Variants in BOD1L1 observed in about 807,000 individuals in gnomAD.
BOD1L1 encodes the protein biorientation of chromosomes in cell division protein 1-like 1.
BOD1L1 carries 86 observed loss-of-function variants against 240.7 expected under a neutral mutation model. The ratio of observed to expected loss-of-function variants is 0.36; its 90% confidence interval spans 0.30 to 0.43. The LOEUF (loss-of-function observed/expected upper bound fraction) is 0.43, where lower values mean the gene tolerates loss of function less well. Ranked by LOEUF, BOD1L1 falls within the 20% of genes least tolerant of loss-of-function variation. The pLI is 1.00. For missense variants in BOD1L1, 3,554 were observed against 3,643.5 expected, an observed-to-expected ratio of 0.98 and a Z score of 0.63; for synonymous variants, 1,268 against 1,272.3, an observed-to-expected ratio of 1.00 and a Z score of 0.07.
rs1715219339 is a variant in BOD1L1 at position 13,601,958 on chromosome 4, C to T, written c.4942G>A (p.Glu1648Lys). The change falls in exon 10 of 26, where the codon GAG becomes AAG. Residue 1648 changes from glutamate to lysine, a missense_variant. Glu to Lys is a moderately conservative substitution (Grantham distance 56). This residue lies in a region of BOD1L1 where 3,393 missense variants were observed against 3,427.1 expected (regional missense o/e 0.99). Transcript: ENST00000040738. The stretch of plus-strand genomic sequence containing the variant: ...CTGGTTACAGCATCATCCTTTTCCT[C>T]TGTCACAACGCTATTTACATTGGCT... ...IEANVNSVVT[E>K]EKDDAVTSAG... is the part of the protein sequence containing the mutation. The T allele has an allele frequency of 6.2e-7, 1 of 1,613,916 alleles. No homozygotes were observed. Among genetic ancestry groups the T allele is most frequent in the African/African-American group, 1.3e-5 (1 of 74,948 alleles).
At position 13,600,834 on chromosome 4, in the gene BOD1L1, A is replaced by G. The variant is rs767041223; in HGVS notation, c.6066T>C (p.Ala2022=). The change falls in exon 10 of 26, where the codon GCT becomes GCC. Residue 2022 remains alanine (A), a synonymous_variant. Transcript: ENST00000040738. Reference sequence around the variant, plus strand: ...CTTCTTTTTCACTTGGTGATGTGTGAGCAACTTCACATTCTGGGACTTCAC... The same window carrying G: ...CTTCTTTTTCACTTGGTGATGTGTGGGCAACTTCACATTCTGGGACTTCAC... ...VSGEVPECEV[A]HTSPSEKEDE... The G allele has an allele frequency of 6.2e-7, 1 of 1,613,650 alleles. No homozygotes were observed. The highest frequency in any genetic ancestry group is 8.5e-7 in the Non-Finnish European group (1 of 1,179,812).
At position 13,598,865 on chromosome 4, in the gene BOD1L1, T is replaced by G. The variant is rs1040001919; in HGVS notation, c.7954+81A>C. The stretch of plus-strand genomic sequence containing the variant: ...ATCTTTCTGGAACCAAAACCATCTT[T>G]TGGAAGACTGTCCTAAATGCACTCT... On this transcript the variant is annotated intron_variant, in intron 10 of 25. Coordinates refer to ENST00000040738, the MANE Select transcript of BOD1L1 (RefSeq NM_148894.3). The G allele has an allele frequency of 1.9e-5, 26 of 1,389,060 alleles. No homozygotes were observed. The African/African-American group carries it at 3.2e-4, about 17-fold the overall frequency. The allele number at this position is 1,389,060 out of a possible 1,614,324, so 86.0% of individuals were successfully genotyped here.
intron 3 of BOD1L1, 50 bp from the exon 4 acceptor site, chr4:13,614,860 C>T (rs768309785): frequency 4.0e-6 from 6 of 1,497,674 alleles, no homozygotes; most frequent in East Asian, 2.4e-5. Context: ...AAGGAAAATA[C>T]CTCTGCTAAA....
Position 13,579,993 on chromosome 4 carries a change from CA to C in BOD1L1, c.8704-21del, listed in dbSNP as rs371377202. On this transcript the variant is annotated intron_variant, in intron 21 of 25. Transcript: ENST00000040738. ...TTCTACCTATGTTTAAATAAACAAA[CA>C]AAAAAAAATTTTAAATCAGCAGTTT... 1,343 of 1,523,406 alleles carry C rather than the reference CA, an allele frequency of 8.8e-4. 4 individuals carry two copies. In the African/African-American group the frequency reaches 0.014, roughly 16 times the overall value. 94.4% of individuals were successfully genotyped at this position (1,523,406 alleles called of 1,614,324 possible). A position where few individuals can be genotyped will look rare whatever the true frequency, so the allele number is the denominator to read the frequency against.
Position 13,604,797 on chromosome 4 carries a change from C to G in BOD1L1, c.2103G>C (p.Lys701Asn), listed in dbSNP as rs374155386. The change falls in exon 10 of 26, where the codon AAG (lysine) becomes AAC (asparagine). Residue 701 changes from lysine to asparagine, a missense_variant. By Grantham distance (94) the Lys-to-Asn change is moderately conservative (BLOSUM62 0). Transcript: ENST00000040738. Reference protein sequence around the residue: ...QKQKSTLKNEKHLKKDDSETP... With the variant: ...QKQKSTLKNENHLKKDDSETP... Reference sequence around the variant, plus strand: ...TTTCAGAATCATCTTTCTTTAGATGCTTTTCGTTTTTAAGTGTGCTTTTCT... The same window carrying G: ...TTTCAGAATCATCTTTCTTTAGATGGTTTTCGTTTTTAAGTGTGCTTTTCT... 6.2e-7 allele frequency: 1 copy of G among 1,613,236 alleles called. No homozygotes were observed. Among genetic ancestry groups the G allele is most frequent in the Non-Finnish European group, 8.5e-7 (1 of 1,179,762 alleles).
In BOD1L1 at chr4:13,595,160, T is replaced by G. The variant is rs557374456; in HGVS notation, c.8104+700A>C. The stretch of plus-strand genomic sequence containing the variant: ...TGAAAAAAGAGTTGTTAACTTATAG[T>G]GAGTTAATTATATTGAATTAATAGT... On this transcript the variant is annotated intron_variant, in intron 12 of 25. Coordinates refer to ENST00000040738, the MANE Select transcript of BOD1L1 (RefSeq NM_148894.3). Among the ~76,000 whole-genome samples, 17 of 152,346 alleles carry G rather than the reference T, an allele frequency of 1.1e-4. 1 individual carries two copies. Among genetic ancestry groups the G allele is most frequent in the African/African-American group, 4.1e-4 (17 of 41,576 alleles).
chr4:13,612,706 A>G (rs1268086236), intron 5 of BOD1L1, among the ~76,000 whole-genome samples: 1 of 152,152 alleles, frequency 6.6e-6, no homozygotes, highest in Non-Finnish European at 1.5e-5. Context: ...GCTATGCCTG[A>G]CTGGAGTGTT....
In BOD1L1 at chr4:13,600,618, ACCT is replaced by A. The variant is rs1224343178; in HGVS notation, c.6279_6281del (p.Gly2094del). 6 of 1,613,522 alleles carry A rather than the reference ACCT, an allele frequency of 3.7e-6. No homozygotes were observed. The highest frequency in any genetic ancestry group is 3.3e-5 in the South Asian group (3 of 91,048). On this transcript the variant is annotated inframe_deletion, in exon 10 of 26. Transcript: ENST00000040738. ...CTTCAGTTCTCAGAGCATCTGAGAG[ACCT>A]CCTTCCACATCTGTAATTGCGCTTA...
chr4:13,601,932 A>G lies in BOD1L1; in HGVS notation c.4968T>C (p.Ser1656=), dbSNP rs1325139966. The part of the protein sequence containing the change: ...VTEEKDDAVT[S]AGSEEKCDGS... The stretch of plus-strand genomic sequence containing the variant: ...CATCACATTTTTCTTCAGAGCCTGC[A>G]CTGGTTACAGCATCATCCTTTTCCT... Residue 1656 remains serine, a synonymous_variant, in exon 10 of 26, where the codon AGT becomes AGC. Coordinates refer to ENST00000040738, the MANE Select transcript of BOD1L1 (RefSeq NM_148894.3). The G allele has an allele frequency of 6.2e-7, 1 of 1,613,810 alleles. No homozygotes were observed. The highest frequency in any genetic ancestry group is 1.3e-5 in the African/African-American group (1 of 74,916).
At chr4:13,595,977 A>C (rs1714593472) in intron 11 of BOD1L1, 33 bp from the exon 12 acceptor site, 1 of 1,587,738 alleles carries the variant, frequency 6.3e-7, no homozygotes, top group African/African-American at 1.4e-5. Context: ...AAAATAAGTT[A>C]ACCAGGGTTT....
rs770615209 is a variant in BOD1L1, at chr4:13,601,166, C to T, written c.5734G>A (p.Val1912Ile). ...CCAGCCTCAGCTTCCACATGCTCTACCACAGTACCAATCTGACTGTCCCCT... is the reference window on the plus strand; with the variant it reads ...CCAGCCTCAGCTTCCACATGCTCTATCACAGTACCAATCTGACTGTCCCCT... ...AEGDSQIGTV[V>I]EHVEAEAGAA... The change falls in exon 10 of 26, where the codon GTA (valine) becomes ATA (isoleucine). Residue 1912 changes from valine to isoleucine, a missense_variant. This residue lies in a region of BOD1L1 where 3,393 missense variants were observed against 3,427.1 expected (regional missense o/e 0.99). Coordinates refer to ENST00000040738, the MANE Select transcript of BOD1L1 (RefSeq NM_148894.3). The T allele has an allele frequency of 1.2e-6, 2 of 1,614,024 alleles. No homozygotes were observed. The highest frequency in any genetic ancestry group is 8.5e-7 in the Non-Finnish European group (1 of 1,179,896).
chr4:13,619,804 T>C (rs192112042), intron 2 of BOD1L1, 139 bp downstream of exon 2: 1 of 1,078,574 alleles, frequency 9.3e-7, no homozygotes, highest in Non-Finnish European at 1.3e-6. Context: ...TTATGCTACA[T>C]CACACGAAAT....
chr4:13,581,315 C>T (rs1713216135), intron 19 of BOD1L1, 108 bp from the exon 20 acceptor site: 1 of 724,974 alleles, frequency 1.4e-6, no homozygotes, highest in African/African-American at 1.8e-5. Flanking sequence ...TAAGAGACCT[C>T]AAATCCTAGC....
Position 13,615,507 on chromosome 4 carries a change from A to C in BOD1L1, c.369-5T>G. Reference sequence around the variant, plus strand: ...CCAGACTCCAACATTCCTGATCTGAAACACAAGATAATTTATGGAAAGGTG... The same window carrying C: ...CCAGACTCCAACATTCCTGATCTGACACACAAGATAATTTATGGAAAGGTG... On this transcript the variant is annotated splice_region_variant and splice_polypyrimidine_tract_variant and intron_variant, in intron 2 of 25. Coordinates refer to ENST00000040738, the MANE Select transcript of BOD1L1 (RefSeq NM_148894.3). 6.3e-7 allele frequency: 1 copy of C among 1,579,238 alleles called. No homozygotes were observed. Among genetic ancestry groups the C allele is most frequent in the Non-Finnish European group, 8.6e-7 (1 of 1,162,412 alleles).
intron 5 of BOD1L1, among the ~76,000 whole-genome samples, chr4:13,612,693 A>C (rs1443299309): frequency 1.3e-5 from 2 of 152,134 alleles, no homozygotes; most frequent in Non-Finnish European, 1.5e-5. Flanking sequence ...AAGCCTCTGG[A>C]ATGCTATGCC....
At position 13,610,917 on chromosome 4, in the gene BOD1L1, G is replaced by T. The variant is rs201091835; in HGVS notation, c.1491+17C>A. On this transcript the variant is annotated intron_variant, in intron 6 of 25. Coordinates refer to ENST00000040738, the MANE Select transcript of BOD1L1 (RefSeq NM_148894.3). ...CCTGATGTAGTAGGTTAAAATAACA[G>T]AACAAACTGGACTTACAATGGACTG... 3.7e-5 allele frequency: 58 copies of T among 1,584,234 alleles called. No individual in the cohort carries two copies. Among genetic ancestry groups the T allele is most frequent in the Non-Finnish European group, 4.8e-5 (56 of 1,166,134 alleles).
Position 13,605,087 on chromosome 4 carries a change from G to A in BOD1L1, c.1816-3C>T, listed in dbSNP as rs1392987091. 3.3e-6 allele frequency: 5 copies of A among 1,525,648 alleles called. No individual in the cohort carries two copies. Among genetic ancestry groups the A allele is most frequent in the Non-Finnish European group, 3.5e-6 (4 of 1,143,760 alleles). 94.5% of individuals were successfully genotyped at this position (1,525,648 alleles called of 1,614,324 possible). A position where few individuals can be genotyped will look rare whatever the true frequency, so the allele number is the denominator to read the frequency against. ...GAAATTTTTTCCTTTTCACAATGCT[G>A]AAAGAAAACAAAGGTTAAAATATGA... On this transcript the variant is annotated splice_region_variant and splice_polypyrimidine_tract_variant and intron_variant, in intron 9 of 25. Transcript: ENST00000040738.
At position 13,594,323 on chromosome 4, in the gene BOD1L1, A is replaced by G. The variant is rs547664954; in HGVS notation, c.8104+1537T>C. ...TTTGGTCACATACTCTATAGTTCCT[A>G]GTACTTAGAAAAAAATATTGTGGGA... On this transcript the variant is annotated intron_variant, in intron 12 of 25. Coordinates refer to ENST00000040738, the MANE Select transcript of BOD1L1 (RefSeq NM_148894.3). Among the ~76,000 whole-genome samples, 35 of 152,332 alleles carry G rather than the reference A, an allele frequency of 2.3e-4. No homozygotes were observed. In the Middle Eastern group the frequency reaches 0.01, roughly 44 times the overall value.
In BOD1L1 at chr4:13,587,768, C is replaced by T. The variant is rs761363500; in HGVS notation, c.8284G>A (p.Glu2762Lys). 4 of 1,551,624 alleles carry T rather than the reference C, an allele frequency of 2.6e-6. No individual in the cohort carries two copies. The South Asian group carries it at 3.6e-5, about 14-fold the overall frequency. ...TTAGGCATATGCCTTTCTTCCTCTTCAACCTGGAATTAAGAATGACTATAT... is the reference window on the plus strand; with the variant it reads ...TTAGGCATATGCCTTTCTTCCTCTTTAACCTGGAATTAAGAATGACTATAT... ...HSVEADPKEVEEEERHMPKRK... is the reference protein window; with the variant it reads ...HSVEADPKEVKEEERHMPKRK... Residue 2762 changes from glutamate to lysine, a missense_variant, in exon 16 of 26, where the codon GAA becomes AAA. This residue lies in a region of BOD1L1 where 3,393 missense variants were observed against 3,427.1 expected (regional missense o/e 0.99). Transcript: ENST00000040738.
Sources: allele counts gnomAD v4.1 joint callset (sites outside exome capture counted in the v4.1 genomes callset), GRCh38; gene constraint gnomAD v4.1.1; regional missense constraint gnomAD v4.1.1; transcripts MANE v1.5; gene names NCBI Gene and HGNC (gene_info 2026-07-23, HGNC 2026-07-21).